The following DGKG variants were observed in gnomAD, a reference collection of about 807,000 sequenced individuals.
The protein encoded by DGKG is diacylglycerol kinase gamma.
DGKG carries 78 observed loss-of-function variants against 105.3 expected under a neutral mutation model. The observed-to-expected ratio is 0.74, with a 90% CI of 0.62 to 0.89. DGKG has a LOEUF of 0.89. Among genes scored for constraint, DGKG ranks in the 40% least tolerant of loss-of-function variants. The pLI is 0.00. For missense variants in DGKG, 958 were observed against 1,020.1 expected, an observed-to-expected ratio of 0.94 and a Z score of 0.83; for synonymous variants, 346 against 367.1, an observed-to-expected ratio of 0.94 and a Z score of 0.66.
At chr3:186,244,228 T>C (rs188654679) in intron 19 of DGKG, among the ~76,000 whole-genome samples, 46 of 152,156 alleles carry the variant, frequency 3.0e-4, no homozygotes, top group African/African-American at 8.7e-4. Context: ...TATAGTTCTA[T>C]GAAGAAGCTT....
At chr3:186,344,682 A>T (rs1560165475) in intron 1 of DGKG, among the ~76,000 whole-genome samples, 1 of 151,732 alleles carries the variant, frequency 6.6e-6, no homozygotes, top group East Asian at 1.9e-4. Flanking sequence ...CTGTACAACA[A>T]CCCCCCATGA....
rs1715585697 is a variant in DGKG at position 186,148,111 on chromosome 3, G to A, written c.*1979C>T. 1.0e-6 allele frequency: 1 copy of A among 985,468 alleles called. No homozygotes were observed. The highest frequency in any genetic ancestry group is 1.1e-4 in the East Asian group (1 of 8,820). The allele number at this position is 985,468 out of a possible 1,614,324, so 61.0% of individuals were successfully genotyped here. A position where few individuals can be genotyped will look rare whatever the true frequency, so the allele number is the denominator to read the frequency against. The stretch of plus-strand genomic sequence containing the variant: ...GTGGAACGATATCAAGTGGGTCCAA[G>A]TTTCCACTGATAAATCTCAGAGAGG... On this transcript the variant is annotated 3_prime_UTR_variant, in exon 25 of 25. Transcript: ENST00000265022.
intron 2 of DGKG, among the ~76,000 whole-genome samples, chr3:186,312,508 T>C (rs1253718017): frequency 6.6e-6 from 1 of 152,124 alleles, no homozygotes; most frequent in Non-Finnish European, 1.5e-5. Flanking sequence ...TGCTGAGGCT[T>C]GCCTGTCACA....
At chr3:186,243,981 C>G (rs1720815516) in intron 19 of DGKG, among the ~76,000 whole-genome samples, 2 of 148,900 alleles carry the variant, frequency 1.3e-5, no homozygotes, top group Admixed American at 1.3e-4. Flanking sequence ...ACTGCAACCT[C>G]TGCCTCCCAG....
chr3:186,292,367 G>A (rs28396981), intron 5 of DGKG, among the ~76,000 whole-genome samples: 40,566 of 152,072 alleles, frequency 0.27, 6,226 homozygotes, highest in East Asian at 0.36. Context: ...AACACAAGCA[G>A]GCTTACTCCA....
In DGKG at chr3:186,188,184, T is replaced by C. The variant is rs754070147; in HGVS notation, c.2095+18A>G. ...ACTGGGCATTGACCTAAAACAATTA[T>C]CCTCATTCCTGGCTTACCTTGAACG... is the stretch of plus-strand genomic sequence containing the variant. On this transcript the variant is annotated intron_variant, in intron 22 of 24. Coordinates refer to ENST00000265022, the MANE Select transcript of DGKG (RefSeq NM_001346.3). 1.1e-5 allele frequency: 18 copies of C among 1,613,802 alleles called. No homozygotes were observed. Among genetic ancestry groups the C allele is most frequent in the Non-Finnish European group, 1.4e-5 (17 of 1,179,884 alleles).
In DGKG at chr3:186,288,698, G is replaced by C. The variant is rs79635827; in HGVS notation, c.544+12C>G. 1 of 1,613,478 alleles carries C rather than the reference G, an allele frequency of 6.2e-7. No individual in the cohort carries two copies. The highest frequency in any genetic ancestry group is 1.3e-5 in the African/African-American group (1 of 74,906). On this transcript the variant is annotated intron_variant, in intron 6 of 24. Transcript: ENST00000265022. ...GAAAAAGCTGAAGCCCCTTGACAGG[G>C]TGAGCACTTACACTCCAGCTTATCC...
chr3:186,216,886 G>A (rs1283376437), intron 20 of DGKG, among the ~76,000 whole-genome samples: 2 of 152,210 alleles, frequency 1.3e-5, no homozygotes, highest in Non-Finnish European at 1.5e-5. Context: ...GCATCTGAGA[G>A]CTGAGAGGCT....
chr3:186,157,948 G>A (rs1388680124), intron 24 of DGKG, among the ~76,000 whole-genome samples: 2 of 151,846 alleles, frequency 1.3e-5, no homozygotes, highest in Non-Finnish European at 2.9e-5. Context: ...AGTAATCCTC[G>A]TGCCTCAGCC....
intron 20 of DGKG, among the ~76,000 whole-genome samples, chr3:186,228,189 T>C (rs1168529181): frequency 3.3e-5 from 5 of 152,188 alleles, no homozygotes; most frequent in African/African-American, 1.2e-4. Flanking sequence ...TCAAGGTTTA[T>C]AAGAAAGCTC....
At chr3:186,174,651 GCTGTGTGTGTGTGTGT>G (rs1283124696) in intron 22 of DGKG, among the ~76,000 whole-genome samples, 3 of 102,114 alleles carry the variant, frequency 2.9e-5, no homozygotes, top group African/African-American at 1.3e-4. Flanking sequence ...TTTCCCTGCG[GCTGTGTGTGTGTGTGT>G]GTGTGTGTGT....
intron 21 of DGKG, among the ~76,000 whole-genome samples, chr3:186,209,512 G>A (rs1454573144): frequency 6.6e-6 from 1 of 152,116 alleles, no homozygotes; most frequent in African/African-American, 2.4e-5. Context: ...TGAAATAAAG[G>A]CTATGGTGGG....
At chr3:186,216,447 C>G (rs1051963062) in intron 20 of DGKG, among the ~76,000 whole-genome samples, 7 of 152,122 alleles carry the variant, frequency 4.6e-5, no homozygotes, top group African/African-American at 1.7e-4. Flanking sequence ...GCATTCTATT[C>G]CCATGGCCCT....
Position 186,197,819 on chromosome 3 carries a change from A to G in DGKG, c.1918-9440T>C, listed in dbSNP as rs187568578. Among the ~76,000 whole-genome samples the G allele has an allele frequency of 2.9e-3, 447 of 152,308 alleles. 2 individuals are homozygous for G. The highest frequency in any genetic ancestry group is 0.01 in the African/African-American group (421 of 41,560). On this transcript the variant is annotated intron_variant, in intron 21 of 24. Transcript: ENST00000265022. ...GCTGTACACGCTGCCTAAACTGCCC[A>G]TCAACTCTTTTATGCCCGTTAACAT...
Position 186,285,174 on chromosome 3 carries a change from A to G in DGKG, c.545-465T>C, listed in dbSNP as rs187322579. Among the ~76,000 whole-genome samples the G allele has an allele frequency of 1.8e-3, 271 of 152,352 alleles. 1 individual carries two copies. Among genetic ancestry groups the G allele is most frequent in the African/African-American group, 6.2e-3 (256 of 41,570 alleles). On this transcript the variant is annotated intron_variant, in intron 6 of 24. Coordinates refer to ENST00000265022, the MANE Select transcript of DGKG (RefSeq NM_001346.3). Reference sequence around the variant, plus strand: ...TTCTTTGAGCTCAGCTTCCTTATCTATAAAGTGGAGAGAATAATAGTTGGT... The same window carrying G: ...TTCTTTGAGCTCAGCTTCCTTATCTGTAAAGTGGAGAGAATAATAGTTGGT...
At chr3:186,193,440 A>G (rs1408840074) in intron 21 of DGKG, among the ~76,000 whole-genome samples, 1 of 152,210 alleles carries the variant, frequency 6.6e-6, no homozygotes, top group Non-Finnish European at 1.5e-5. Context: ...CAGGTTCCCC[A>G]ACCTCTGTGC....
rs1210856867 is a variant in DGKG, at chr3:186,284,418, A to C, written c.594+242T>G. Among the ~76,000 whole-genome samples the C allele has an allele frequency of 2.6e-5, 4 of 152,170 alleles. No individual in the cohort carries two copies. Among genetic ancestry groups the C allele is most frequent in the Admixed American group, 1.3e-4 (2 of 15,284 alleles). ...AGGTGACATGCTAAAGCATCCCTCC[A>C]TCCTGAGATTTGATGATCCCAGGCT... On this transcript the variant is annotated intron_variant, in intron 7 of 24. Coordinates refer to ENST00000265022, the MANE Select transcript of DGKG (RefSeq NM_001346.3). This position sits in a 1 kb window ranked among gnomAD's most constrained non-coding sequence, Gnocchi z 4.0.
Position 186,212,814 on chromosome 3 carries a change from T to C in DGKG, c.1827-929A>G, listed in dbSNP as rs978089473. On this transcript the variant is annotated intron_variant, in intron 20 of 24. Transcript: ENST00000265022. ...AGGGACACCTGTCCAGTTTACGAGC[T>C]GACAGATTTTGCTAAGGAAGGATTA... Among the ~76,000 whole-genome samples, 36 of 152,316 alleles carry C rather than the reference T, an allele frequency of 2.4e-4. No individual in the cohort carries two copies. In the Middle Eastern group the frequency reaches 0.01, roughly 43 times the overall value.
At chr3:186,354,550 T>C (rs1455366058) in intron 1 of DGKG, among the ~76,000 whole-genome samples, 1 of 152,210 alleles carries the variant, frequency 6.6e-6, no homozygotes, top group Non-Finnish European at 1.5e-5. Context: ...GTCTGGCCAT[T>C]GAGTTTTTCT....
Sources: gnomAD v4.1 joint callset for allele counts (sites outside exome capture counted in the v4.1 genomes callset) on GRCh38, gnomAD v4.1.1 for gene constraint, Gnocchi (gnomAD v3.1) non-coding constraint, MANE v1.5 for transcripts, NCBI Gene and HGNC (gene_info 2026-07-23, HGNC 2026-07-21) for gene names.